Variants in MYO16 observed in about 807,000 individuals in gnomAD.
The protein encoded by MYO16 is myosin XVI.
In MYO16, 94 loss-of-function variants were observed where a neutral mutation model predicts 205.3. The ratio of observed to expected loss-of-function variants is 0.46; its 90% CI spans 0.39 to 0.54. The LOEUF (loss-of-function observed/expected upper bound fraction) is 0.54, where lower values mean the gene tolerates loss of function less well. MYO16 is among the 20% of genes least tolerant of loss of function. The pLI is 0.00. For missense variants in MYO16, 2,315 were observed against 2,387.5 expected (o/e 0.97, Z 0.63); for synonymous variants, 988 against 954.0 (o/e 1.04, Z -0.66).
intron 23 of MYO16, among the ~76,000 whole-genome samples, chr13:109,023,722 TATATA>T (rs1566468466): frequency 6.1e-5 from 8 of 130,424 alleles, no homozygotes; most frequent in Non-Finnish European, 1.5e-5. Context: ...CAAATATATG[TATATA>T]TGCATATATA....
At chr13:109,139,053 C>G (rs140862286) in intron 31 of MYO16, among the ~76,000 whole-genome samples, 1 of 152,076 alleles carries the variant, frequency 6.6e-6, no homozygotes, top group Non-Finnish European at 1.5e-5. Flanking sequence ...CTCCTGACCT[C>G]AAGTGATCTG....
At chr13:108,751,345 C>T (rs1225493684) in intron 4 of MYO16, among the ~76,000 whole-genome samples, 2 of 151,738 alleles carry the variant, frequency 1.3e-5, no homozygotes, top group African/African-American at 4.8e-5. Flanking sequence ...AATTCAGAGC[C>T]AATTGAAAGA....
the MYO16 span, among the ~76,000 whole-genome samples, chr13:108,534,250 A>G: frequency 1.3e-5 from 2 of 152,226 alleles, no homozygotes; most frequent in Non-Finnish European, 2.9e-5. Context: ...TTTTAGGATC[A>G]TTCTTAGAAA....
chr13:108,815,846 A>G (rs1390707099), intron 7 of MYO16, among the ~76,000 whole-genome samples: 1 of 152,222 alleles, frequency 6.6e-6, no homozygotes, highest in Non-Finnish European at 1.5e-5. Context: ...TTGAAGGAAT[A>G]AGACACAGAC....
chr13:108,552,703 C>T, the MYO16 span, among the ~76,000 whole-genome samples: 3 of 152,274 alleles, frequency 2.0e-5, no homozygotes, highest in South Asian at 2.1e-4. Context: ...TTCACTCCTT[C>T]CTCCTGTTAT....
At chr13:108,972,249 C>CTCTCTCCCTATATA (rs1178345437) in intron 20 of MYO16, among the ~76,000 whole-genome samples, 1 of 2,850 alleles carries the variant, frequency 3.5e-4, no homozygotes, top group African/African-American at 1.3e-3. Flanking sequence ...CTCTCTCTCT[C>CTCTCTCCCTATATA]TATATATATA....
At chr13:108,973,506 A>C (rs1884130824) in intron 20 of MYO16, among the ~76,000 whole-genome samples, 1 of 152,202 alleles carries the variant, frequency 6.6e-6, no homozygotes. Flanking sequence ...TTTTTAAGCC[A>C]ATGTGAGATT....
chr13:108,692,286 A>G (rs1008774847), intron 2 of MYO16, among the ~76,000 whole-genome samples: 1 of 152,170 alleles, frequency 6.6e-6, no homozygotes, highest in African/African-American at 2.4e-5. Flanking sequence ...AAATGTCCTC[A>G]GCACTTTTGA....
chr13:108,654,168 G>A (rs756299185), intron 1 of MYO16, among the ~76,000 whole-genome samples: 1 of 152,092 alleles, frequency 6.6e-6, no homozygotes, highest in Non-Finnish European at 1.5e-5. Flanking sequence ...GGGGACAGCT[G>A]TGAATCCTTC....
chr13:109,133,436 T>C (rs536030367), intron 31 of MYO16, among the ~76,000 whole-genome samples: 3 of 152,240 alleles, frequency 2.0e-5, no homozygotes, highest in Admixed American at 1.3e-4. Context: ...AAATAACTTA[T>C]GCACAGAAGA....
chr13:108,580,131 C>A, the MYO16 span, among the ~76,000 whole-genome samples: 1 of 152,088 alleles, frequency 6.6e-6, no homozygotes, highest in African/African-American at 2.4e-5. Flanking sequence ...TAAAAGAGTT[C>A]TAATTAATGT....
intron 31 of MYO16, among the ~76,000 whole-genome samples, chr13:109,129,119 T>C (rs1012777055): frequency 6.6e-6 from 1 of 151,268 alleles, no homozygotes; most frequent in Admixed American, 6.6e-5. Flanking sequence ...TATATTGTCA[T>C]TAACTATTGT....
chr13:108,874,292 G>A (rs1879218226), intron 12 of MYO16, among the ~76,000 whole-genome samples: 1 of 151,934 alleles, frequency 6.6e-6, no homozygotes, highest in African/African-American at 2.4e-5. Flanking sequence ...GCAGAAGAAT[G>A]GACTAGAGCC....
chr13:108,953,533 T>G (rs1883234059), intron 16 of MYO16, among the ~76,000 whole-genome samples: 1 of 151,980 alleles, frequency 6.6e-6, no homozygotes, highest in Non-Finnish European at 1.5e-5. Context: ...TTTACTCTGT[T>G]TTACCGATAA....
chr13:108,949,336 C>T (rs192977456), intron 16 of MYO16, among the ~76,000 whole-genome samples: 72 of 152,216 alleles, frequency 4.7e-4, no homozygotes, highest in Admixed American at 1.4e-3. Flanking sequence ...GTGAGTTCAG[C>T]GATTGACAGG....
At chr13:109,112,331 C>T (rs887829816) in intron 28 of MYO16, among the ~76,000 whole-genome samples, 5 of 152,086 alleles carry the variant, frequency 3.3e-5, no homozygotes, top group Admixed American at 2.0e-4. Flanking sequence ...AGATTTTAGT[C>T]GGTAATAATC....
At chr13:109,053,630 A>C (rs1453136364) in intron 25 of MYO16, among the ~76,000 whole-genome samples, 1 of 152,124 alleles carries the variant, frequency 6.6e-6, no homozygotes, top group Non-Finnish European at 1.5e-5. Context: ...AAAGGACTGC[A>C]GAAGGGAGGT....
At chr13:108,808,761 A>G (rs1211932359) in intron 7 of MYO16, among the ~76,000 whole-genome samples, 1 of 152,236 alleles carries the variant, frequency 6.6e-6, no homozygotes, top group Non-Finnish European at 1.5e-5. Context: ...ATGGATTTTT[A>G]AATGTTAATT....
chr13:109,087,966 T>C (rs1888489691), intron 27 of MYO16, among the ~76,000 whole-genome samples: 2 of 152,188 alleles, frequency 1.3e-5, no homozygotes, highest in Non-Finnish European at 2.9e-5. Context: ...ACCTGATAAA[T>C]ACAAGCCATG....
Sources: allele counts gnomAD v4.1 joint callset (sites outside exome capture counted in the v4.1 genomes callset), GRCh38; gene constraint gnomAD v4.1.1; transcripts MANE v1.5; gene names NCBI Gene and HGNC (gene_info 2026-07-23, HGNC 2026-07-21).